The following AGBL2 variants were observed in gnomAD, a reference collection of about 807,000 sequenced individuals.
AGBL2 encodes AGBL carboxypeptidase 2.
In AGBL2, 87 loss-of-function variants were observed where a neutral mutation model predicts 103.0. The observed-to-expected ratio is 0.84, with a 90% confidence interval of 0.71 to 1.01. AGBL2 has a LOEUF of 1.01. Among genes scored for constraint, AGBL2 ranks in the 50% least tolerant of loss-of-function variants. The pLI, the probability that AGBL2 is intolerant of heterozygous loss-of-function variation, is 0.00. For missense variants in AGBL2, 904 were observed against 1,023.5 expected (o/e 0.88, Z 1.59); for synonymous variants, 335 against 356.7 (o/e 0.94, Z 0.69).
intron 12 of AGBL2, 103 bp from the exon 13 acceptor site, chr11:47,680,176 G>T: frequency 1.3e-6 from 1 of 768,198 alleles, no homozygotes; most frequent in Non-Finnish European, 2.0e-6. Flanking sequence ...CACTGGCCAG[G>T]CGGGGTGGTT....
chr11:47,687,530 A>G (rs2097428667), intron 10 of AGBL2, among the ~76,000 whole-genome samples: 1 of 147,600 alleles, frequency 6.8e-6, no homozygotes, highest in Non-Finnish European at 1.5e-5. Context: ...TGTGAAATTG[A>G]AAAAAAAAAA....
At position 47,713,814 on chromosome 11, in the gene AGBL2, C is replaced by T. The variant is rs923968807; in HGVS notation, c.97+470G>A. On this transcript the variant is annotated intron_variant, in intron 3 of 18. Coordinates refer to ENST00000525123, the MANE Select transcript of AGBL2 (RefSeq NM_024783.4). ...CCGTGTTAGCCAGGATGGTCTCGAT[C>T]TCCTGACCTCGTGCTCCACCCGTCT... 3.3e-5 allele frequency among the ~76,000 whole-genome samples: 5 copies of T among 151,968 alleles called. No individual in the cohort carries two copies. The East Asian group carries it at 5.9e-4, about 18-fold the overall frequency.
intron 4 of AGBL2, 66 bp downstream of exon 4, chr11:47,710,311 C>A (rs1239615108): frequency 1.9e-6 from 3 of 1,603,904 alleles, no homozygotes; most frequent in Non-Finnish European, 2.6e-6. Flanking sequence ...GCAGATTCTT[C>A]TGAATACTCA....
intron 18 of AGBL2, 117 bp from the exon 19 acceptor site, chr11:47,660,463 C>G (rs2097325165): frequency 2.2e-6 from 2 of 911,566 alleles, no homozygotes; most frequent in South Asian, 3.5e-5. Flanking sequence ...CATTTCTTCC[C>G]CAAATATAAA....
chr11:47,664,498 G>A (rs557702623), intron 17 of AGBL2, among the ~76,000 whole-genome samples: 221 of 150,146 alleles, frequency 1.5e-3, no homozygotes, highest in African/African-American at 4.9e-3. Context: ...TGCAACCTCT[G>A]CCTCCCAGGT....
In AGBL2 at chr11:47,678,338, A is replaced by ATTTTTTTTTTTT. The variant is rs1196435610; in HGVS notation, c.2017-938_2017-937insAAAAAAAAAAAA. Among the ~76,000 whole-genome samples, 13 of 95,290 alleles carry ATTTTTTTTTTTT rather than the reference A, an allele frequency of 1.4e-4. 1 individual carries two copies. The highest frequency in any genetic ancestry group is 3.2e-4 in the East Asian group (1 of 3,160). 62.5% of individuals were successfully genotyped at this position (95,290 alleles called of 152,430 possible). A position where few individuals can be genotyped will look rare whatever the true frequency, so the allele number is the denominator to read the frequency against. ...TTATTTTATTTTATTTTATTTTATT[A>ATTTTTTTTTTTT]TTTTATTTTTTTTGAGACGGAGTCT... On this transcript the variant is annotated intron_variant, in intron 13 of 18. Transcript: ENST00000525123.
chr11:47,713,650 T>G (rs1386208502), intron 3 of AGBL2, among the ~76,000 whole-genome samples: 4 of 151,442 alleles, frequency 2.6e-5, no homozygotes, highest in Non-Finnish European at 5.9e-5. Flanking sequence ...GTGCAGTGGC[T>G]TGATCTCGGC....
chr11:47,665,676 A>G (rs935457558), intron 17 of AGBL2, among the ~76,000 whole-genome samples: 5 of 151,188 alleles, frequency 3.3e-5, no homozygotes, highest in Admixed American at 3.3e-4. Context: ...CTGGTCTTGA[A>G]CTCCTGGGCT....
chr11:47,666,639 T>G, intron 17 of AGBL2: 2 of 542,846 alleles, frequency 3.7e-6, no homozygotes, highest in Non-Finnish European at 6.4e-6. Context: ...TAAAATTCAT[T>G]GATTTATTTT....
At chr11:47,676,830 A>G (rs899311498) in intron 14 of AGBL2, among the ~76,000 whole-genome samples, 10 of 151,652 alleles carry the variant, frequency 6.6e-5, no homozygotes, top group East Asian at 1.9e-4. Context: ...AAAAAAAAAA[A>G]AAAAGAAACT....
chr11:47,663,132 C>A lies in AGBL2; in HGVS notation c.2449-20G>T. ...ATTTGTCTAAAATAAATGAACATAT[C>A]CTCACTAAATTTTCCACTTGAGCAA... On this transcript the variant is annotated intron_variant, in intron 17 of 18. Coordinates refer to ENST00000525123, the MANE Select transcript of AGBL2 (RefSeq NM_024783.4). 1.3e-6 allele frequency: 2 copies of A among 1,520,378 alleles called. No individual in the cohort carries two copies. Among genetic ancestry groups the A allele is most frequent in the Middle Eastern group, 1.7e-4 (1 of 5,834 alleles). The allele number at this position is 1,520,378 out of a possible 1,614,324, so 94.2% of individuals were successfully genotyped here. A position where few individuals can be genotyped will look rare whatever the true frequency, so the allele number is the denominator to read the frequency against.
At position 47,678,338 on chromosome 11, in the gene AGBL2, A is replaced by ATTTTTTTTTTTTTTTTTTTTT. The variant is rs1196435610; in HGVS notation, c.2017-938_2017-937insAAAAAAAAAAAAAAAAAAAAA. ...TTATTTTATTTTATTTTATTTTATT[A>ATTTTTTTTTTTTTTTTTTTTT]TTTTATTTTTTTTGAGACGGAGTCT... On this transcript the variant is annotated intron_variant, in intron 13 of 18. Coordinates refer to ENST00000525123, the MANE Select transcript of AGBL2 (RefSeq NM_024783.4). Among the ~76,000 whole-genome samples, 169 of 95,234 alleles carry ATTTTTTTTTTTTTTTTTTTTT rather than the reference A, an allele frequency of 1.8e-3. 1 individual carries two copies. The highest frequency in any genetic ancestry group is 5.0e-3 in the South Asian group (13 of 2,612). 62.5% of individuals were successfully genotyped at this position (95,234 alleles called of 152,430 possible). A position where few individuals can be genotyped will look rare whatever the true frequency, so the allele number is the denominator to read the frequency against.
At chr11:47,662,055 C>T (rs947928139) in intron 18 of AGBL2, among the ~76,000 whole-genome samples, 1 of 151,954 alleles carries the variant, frequency 6.6e-6, no homozygotes, top group Non-Finnish European at 1.5e-5. Flanking sequence ...GGCCTCACCA[C>T]CTCTTTTTTC....
chr11:47,678,333 T>A (rs7127764), intron 13 of AGBL2, among the ~76,000 whole-genome samples: 20 of 73,614 alleles, frequency 2.7e-4, no homozygotes, highest in East Asian at 6.5e-4. Flanking sequence ...TTATTTTATT[T>A]TATTATTTTA....
intron 17 of AGBL2, among the ~76,000 whole-genome samples, chr11:47,664,431 A>G (rs1471290378): frequency 1.3e-5 from 2 of 150,188 alleles, no homozygotes; most frequent in Non-Finnish European, 3.0e-5. Flanking sequence ...TTTTTTTTTA[A>G]GACGGGGTTT....
intron 13 of AGBL2, among the ~76,000 whole-genome samples, chr11:47,678,307 TTTATTTTATTTTATTTTATTTTATTTTA>T (rs1397302394): frequency 4.6e-4 from 61 of 132,950 alleles, no homozygotes; most frequent in African/African-American, 1.5e-3. Context: ...TTTATTTTAT[TTTATTTTATTTTATTTTATTTTATTTTA>T]TTATTTTATT....
At chr11:47,714,245 G>A (rs758109310) in intron 3 of AGBL2, 39 bp downstream of exon 3, 2 of 1,544,142 alleles carry the variant, frequency 1.3e-6, no homozygotes, top group Admixed American at 1.7e-5. Flanking sequence ...TTCCTCTTGA[G>A]TCCAGGAAAG....
intron 11 of AGBL2, among the ~76,000 whole-genome samples, chr11:47,684,982 G>A (rs1335772264): frequency 2.0e-5 from 3 of 152,080 alleles, no homozygotes; most frequent in South Asian, 4.1e-4. Flanking sequence ...CGGGGCAGGC[G>A]GATCACTTGA....
Position 47,686,017 on chromosome 11 carries a change from C to G in AGBL2, c.1664G>C (p.Cys555Ser). The G allele has an allele frequency of 6.2e-7, 1 of 1,614,020 alleles. No individual in the cohort carries two copies. ...LLEEREVLLYCDFHGHSRKNN... is the reference protein window; with the variant it reads ...LLEEREVLLYSDFHGHSRKNN... Reference sequence around the variant, plus strand: ...CTTACGACTGTGGCCATGGAAATCACAATACAACAGAACCTCTCTTTCTTC... The same window carrying G: ...CTTACGACTGTGGCCATGGAAATCAGAATACAACAGAACCTCTCTTTCTTC... Residue 555 changes from cysteine to serine, a missense_variant, in exon 11 of 19, where the codon TGT becomes TCT. By Grantham distance (112) the Cys-to-Ser change is moderately radical (BLOSUM62 -1). Coordinates refer to ENST00000525123, the MANE Select transcript of AGBL2 (RefSeq NM_024783.4).
Sources: allele counts gnomAD v4.1 joint callset (sites outside exome capture counted in the v4.1 genomes callset), GRCh38; gene constraint gnomAD v4.1.1; transcripts MANE v1.5; gene names NCBI Gene and HGNC (gene_info 2026-07-23, HGNC 2026-07-21).